CACNA2D1: variants seen among roughly 807,000 people sequenced by gnomAD.
CACNA2D1 encodes voltage-dependent calcium channel subunit alpha-2/delta-1.
In CACNA2D1, 53 loss-of-function variants were observed where a neutral mutation model predicts 171.5. The observed-to-expected ratio is 0.31, with a 90% CI of 0.25 to 0.39. CACNA2D1 has a LOEUF of 0.39. CACNA2D1 is among the 10% of genes least tolerant of loss of function. The pLI is 1.00. For synonymous variants in CACNA2D1, 442 were observed against 443.1 expected (o/e 1.00, Z 0.03); for missense variants, 903 against 1,299.8 (o/e 0.69, Z 4.69).
intron 11 of CACNA2D1, 133 bp downstream of exon 11, chr7:82,037,944 T>A: frequency 1.2e-6 from 1 of 830,414 alleles, no homozygotes; most frequent in Non-Finnish European, 2.0e-6. Flanking sequence ...TTCTTCTGCC[T>A]GCACACATCT....
intron 1 of CACNA2D1, among the ~76,000 whole-genome samples, chr7:82,440,587 GA>G (rs1830425918): frequency 6.6e-6 from 1 of 151,716 alleles, no homozygotes; most frequent in Admixed American, 6.6e-5. Flanking sequence ...ATTTCCAAAA[GA>G]AACACCTAAC....
chr7:82,003,247 G>A (rs1368333650), intron 18 of CACNA2D1, among the ~76,000 whole-genome samples: 1 of 151,836 alleles, frequency 6.6e-6, no homozygotes, highest in Non-Finnish European at 1.5e-5. Context: ...TTTTCATGGT[G>A]TTCTGAAATA....
At chr7:82,084,703 T>G in intron 7 of CACNA2D1, 66 bp downstream of exon 7, 1 of 1,549,206 alleles carries the variant, frequency 6.5e-7, no homozygotes, top group Non-Finnish European at 8.9e-7. Context: ...TCAGGGAAGA[T>G]AACAGAGTAT....
chr7:82,032,382 A>G (rs1162804773), intron 12 of CACNA2D1, among the ~76,000 whole-genome samples: 3 of 151,912 alleles, frequency 2.0e-5, no homozygotes, highest in Non-Finnish European at 4.4e-5. Flanking sequence ...CAATACTTAG[A>G]CATTTTTTGA....
intron 12 of CACNA2D1, among the ~76,000 whole-genome samples, chr7:82,030,981 G>A (rs1230743714): frequency 6.6e-6 from 1 of 151,900 alleles, no homozygotes; most frequent in Non-Finnish European, 1.5e-5. Context: ...AATCTGTCCT[G>A]TAACAGCACT....
chr7:82,006,625 A>C (rs1799146921), intron 16 of CACNA2D1, among the ~76,000 whole-genome samples: 1 of 152,160 alleles, frequency 6.6e-6, no homozygotes, highest in Non-Finnish European at 1.5e-5. Context: ...TTGTATCAAC[A>C]ACTATGCTCT....
chr7:82,296,277 A>C (rs865887002), intron 3 of CACNA2D1, among the ~76,000 whole-genome samples: 2 of 151,896 alleles, frequency 1.3e-5, no homozygotes, highest in Non-Finnish European at 2.9e-5. Flanking sequence ...AAAAAAAAAA[A>C]CATGTAGATT....
chr7:82,270,111 C>T (rs768505876), intron 3 of CACNA2D1, among the ~76,000 whole-genome samples: 4 of 152,114 alleles, frequency 2.6e-5, no homozygotes, highest in Non-Finnish European at 4.4e-5. Flanking sequence ...CATAACTTGG[C>T]TTTCTATCTA....
chr7:82,253,396 T>C (rs1182006824), intron 3 of CACNA2D1, among the ~76,000 whole-genome samples: 1 of 152,078 alleles, frequency 6.6e-6, no homozygotes, highest in Non-Finnish European at 1.5e-5. Flanking sequence ...AGGAGATCCA[T>C]GAAGAGAGAA....
At chr7:82,108,546 C>A (rs1272769459) in intron 6 of CACNA2D1, among the ~76,000 whole-genome samples, 1 of 152,080 alleles carries the variant, frequency 6.6e-6, no homozygotes, top group Non-Finnish European at 1.5e-5. Context: ...CAGTCTAAAG[C>A]AATTTACAAT....
Position 82,059,708 on chromosome 7 carries a change from G to A in CACNA2D1, c.879+720C>T, listed in dbSNP as rs149637320. On this transcript the variant is annotated intron_variant, in intron 10 of 38. Transcript: ENST00000356860. ...GGCATAGAATTATAAGAAGATCCAC[G>A]CGGCACTATTCACAATAGCAAAGAC... is the stretch of plus-strand genomic sequence containing the variant. 6.8e-3 allele frequency among the ~76,000 whole-genome samples: 1,035 copies of A among 151,796 alleles called. 13 individuals carry two copies. The highest frequency in any genetic ancestry group is 0.023 in the African/African-American group (971 of 41,398).
At chr7:82,219,494 T>C (rs1439361827) in intron 3 of CACNA2D1, among the ~76,000 whole-genome samples, 1 of 152,072 alleles carries the variant, frequency 6.6e-6, no homozygotes, top group Non-Finnish European at 1.5e-5. Context: ...ATTTAATATA[T>C]AAGAATTAAA....
At chr7:81,962,092 C>T (rs563215185) in intron 35 of CACNA2D1, 69 bp from the exon 36 acceptor site, 81 of 1,436,162 alleles carry the variant, frequency 5.6e-5, no homozygotes, top group Admixed American at 3.8e-4. Flanking sequence ...TCACTCCCCT[C>T]GAGTCTTCAC....
At chr7:82,226,469 G>A (rs1388464498) in intron 3 of CACNA2D1, among the ~76,000 whole-genome samples, 2 of 152,138 alleles carry the variant, frequency 1.3e-5, no homozygotes, top group African/African-American at 2.4e-5. Context: ...GAAAGGGGAG[G>A]ACTGATTTAA....
chr7:82,343,983 T>C (rs1344579559), intron 2 of CACNA2D1, among the ~76,000 whole-genome samples: 1 of 152,216 alleles, frequency 6.6e-6, no homozygotes, highest in African/African-American at 2.4e-5. Flanking sequence ...TATGTACCAA[T>C]GCTGATACAC....
At chr7:82,334,190 G>A (rs1436379460) in intron 3 of CACNA2D1, among the ~76,000 whole-genome samples, 1 of 152,110 alleles carries the variant, frequency 6.6e-6, no homozygotes, top group East Asian at 1.9e-4. Context: ...ACTTCCACAT[G>A]TCGGCCAGAA....
intron 1 of CACNA2D1, among the ~76,000 whole-genome samples, chr7:82,414,899 T>C (rs1023768342): frequency 6.6e-6 from 1 of 152,210 alleles, no homozygotes. Context: ...ATTCTGACAA[T>C]GCACATATTA....
At chr7:82,077,245 A>G (rs983931483) in intron 7 of CACNA2D1, among the ~76,000 whole-genome samples, 9 of 152,168 alleles carry the variant, frequency 5.9e-5, no homozygotes, top group African/African-American at 2.2e-4. Flanking sequence ...TTTCTTACTT[A>G]GTACAGCCCC....
At chr7:82,189,300 C>T (rs75126123) in intron 3 of CACNA2D1, among the ~76,000 whole-genome samples, 5,862 of 151,942 alleles carry the variant, frequency 0.039, 190 homozygotes, top group East Asian at 0.11. Flanking sequence ...ACTTAGTGGG[C>T]AAGCAGTAAT....
Sources: gnomAD v4.1 joint callset for allele counts (sites outside exome capture counted in the v4.1 genomes callset) on GRCh38, gnomAD v4.1.1 for gene constraint, MANE v1.5 for transcripts, NCBI Gene and HGNC (gene_info 2026-07-23, HGNC 2026-07-21) for gene names.